The following DYRK2 variants were observed in gnomAD, a reference collection of about 807,000 sequenced individuals.
DYRK2 encodes the protein dual specificity tyrosine phosphorylation regulated kinase 2.
Under a neutral mutation model 41.6 loss-of-function variants are expected in DYRK2, and 12 were observed. The observed-to-expected ratio is 0.29, with a 90% CI of 0.18 to 0.47. The LOEUF is 0.47. Among genes scored for constraint, DYRK2 ranks in the 20% least tolerant of loss-of-function variants. The pLI is 1.00. For missense variants in DYRK2, 678 were observed against 798.4 expected (o/e 0.85, Z 1.82); for synonymous variants, 322 against 315.7 (o/e 1.02, Z -0.21).
At position 67,665,353 on chromosome 12, in the gene DYRK2, T is replaced by C. The variant is rs762159897; in HGVS notation, c.*6640T>C. 1 of 152,198 alleles carries C rather than the reference T, an allele frequency of 6.6e-6. No individual in the cohort carries two copies. Among genetic ancestry groups the C allele is most frequent in the Non-Finnish European group, 1.5e-5 (1 of 68,024 alleles). 9.4% of individuals were successfully genotyped at this position (152,198 alleles called of 1,614,324 possible). A position where few individuals can be genotyped will look rare whatever the true frequency, so the allele number is the denominator to read the frequency against. On this transcript the variant is annotated 3_prime_UTR_variant, in exon 3 of 3. Coordinates refer to ENST00000344096, the MANE Select transcript of DYRK2 (RefSeq NM_006482.3). ...GTTTTCAATTGTTTTGGGAGAAATG[T>C]AACTAATTATAAGCAATTTATGTGG...
At position 67,661,131 on chromosome 12, in the gene DYRK2, T is replaced by C. The variant is rs1244226706; in HGVS notation, c.*2418T>C. ...TTTTCCCTCCAAATACAGTGAAATT[T>C]TTTTATTCACAAGAGCTGCCACATC... On this transcript the variant is annotated 3_prime_UTR_variant, in exon 3 of 3. Transcript: ENST00000344096. The C allele has an allele frequency of 1.2e-5, 2 of 166,874 alleles. No individual in the cohort carries two copies. Among genetic ancestry groups the C allele is most frequent in the Non-Finnish European group, 2.9e-5 (2 of 68,114 alleles). 10.3% of individuals were successfully genotyped at this position (166,874 alleles called of 1,614,324 possible). A position where few individuals can be genotyped will look rare whatever the true frequency, so the allele number is the denominator to read the frequency against.
In DYRK2 at chr12:67,658,626, T is replaced by C. The variant is rs1335142746; in HGVS notation, c.1719T>C (p.Ala573=). ...ISKLPPPSSS[A]SKLRTNLAQM... Reference sequence around the variant, plus strand: ...AGTTACCTCCACCTTCTAGCTCAGCTTCCAAACTGAGGACTAATTTGGCGC... The same window carrying C: ...AGTTACCTCCACCTTCTAGCTCAGCCTCCAAACTGAGGACTAATTTGGCGC... Residue 573 remains alanine, a synonymous_variant, in exon 3 of 3, where the codon GCT becomes GCC. Transcript: ENST00000344096. The surrounding 1 kb of genome is among the most constrained non-coding windows in gnomAD (Gnocchi z 4.3). The C allele has an allele frequency of 3.1e-6, 5 of 1,614,170 alleles. No individual in the cohort carries two copies. The highest frequency in any genetic ancestry group is 4.2e-6 in the Non-Finnish European group (5 of 1,180,014).
rs540723911 is a variant in DYRK2 at position 67,659,325 on chromosome 12, C to A, written c.*612C>A. On this transcript the variant is annotated 3_prime_UTR_variant, in exon 3 of 3. Transcript: ENST00000344096. ...ACTGCCCAGTTAGCATTCTGACATT[C>A]TAAAAGCCGGCAAAGCAGCTTTTAG... The A allele has an allele frequency of 1.2e-5, 2 of 167,200 alleles. No homozygotes were observed. The highest frequency in any genetic ancestry group is 3.8e-4 in the East Asian group (2 of 5,196). 10.4% of individuals were successfully genotyped at this position (167,200 alleles called of 1,614,324 possible).
At position 67,650,005 on chromosome 12, in the gene DYRK2, C is replaced by T. The variant is rs998584416; in HGVS notation, c.198+60C>T. The T allele has an allele frequency of 3.7e-5, 47 of 1,284,448 alleles. No individual in the cohort carries two copies. In the Middle Eastern group the frequency reaches 1.5e-3, roughly 41 times the overall value. The allele number at this position is 1,284,448 out of a possible 1,614,324, so 79.6% of individuals were successfully genotyped here. A position where few individuals can be genotyped will look rare whatever the true frequency, so the allele number is the denominator to read the frequency against. The stretch of plus-strand genomic sequence containing the variant: ...GGGCGGGAGGGGCCCCAGGCCGAAG[C>T]ACCCGGACTTGGAGGGGTCTGACGC... On this transcript the variant is annotated intron_variant, in intron 2 of 2. Coordinates refer to ENST00000344096, the MANE Select transcript of DYRK2 (RefSeq NM_006482.3).
At chr12:67,656,254 G>A (rs1022664347) in intron 2 of DYRK2, among the ~76,000 whole-genome samples, 3 of 152,178 alleles carry the variant, frequency 2.0e-5, no homozygotes, top group African/African-American at 7.2e-5. Flanking sequence ...GAATGTTCAG[G>A]GATGGCATGC....
rs1274959654 is a variant in DYRK2 at position 67,659,360 on chromosome 12, G to A, written c.*647G>A. ...GCAAAGCAGCTTTTAGTGGATAAAT[G>A]GGAATGGAAACGTGTGTGTTCCTCC... On this transcript the variant is annotated 3_prime_UTR_variant, in exon 3 of 3. Coordinates refer to ENST00000344096, the MANE Select transcript of DYRK2 (RefSeq NM_006482.3). 6.0e-6 allele frequency: 1 copy of A among 167,090 alleles called. No homozygotes were observed. Among genetic ancestry groups the A allele is most frequent in the African/African-American group, 2.4e-5 (1 of 41,450 alleles). 10.4% of individuals were successfully genotyped at this position (167,090 alleles called of 1,614,324 possible). A position where few individuals can be genotyped will look rare whatever the true frequency, so the allele number is the denominator to read the frequency against.
Position 67,657,586 on chromosome 12 carries a change from G to A in DYRK2, c.679G>A (p.Val227Ile). ...HVAYRYEVLK[V>I]IGKGSFGQVV... ...GGCTTACAGGTATGAGGTCCTCAAG[G>A]TCATTGGGAAGGGGAGCTTTGGGCA... The change falls in exon 3 of 3, where the codon GTC (valine) becomes ATC (isoleucine). Residue 227 changes from valine to isoleucine, a missense_variant. Physicochemically the swap from Val to Ile is conservative, Grantham distance 29 (BLOSUM62 3). This residue lies in a region of DYRK2 where 393 missense variants were observed against 519.1 expected (regional missense o/e 0.76). Transcript: ENST00000344096. This position sits in a 1 kb window ranked among gnomAD's most constrained non-coding sequence, Gnocchi z 4.8. 2 of 1,614,068 alleles carry A rather than the reference G, an allele frequency of 1.2e-6. No individual in the cohort carries two copies. The highest frequency in any genetic ancestry group is 1.7e-6 in the Non-Finnish European group (2 of 1,180,036).
At position 67,657,248 on chromosome 12, in the gene DYRK2, T is replaced by A. The variant is rs777497932; in HGVS notation, c.341T>A (p.Val114Glu). The change falls in exon 3 of 3, where the codon GTG (valine) becomes GAG (glutamate). Residue 114 changes from valine (V) to glutamate (E), a missense_variant. Val to Glu is a moderately radical substitution (Grantham distance 121). Coordinates refer to ENST00000344096, the MANE Select transcript of DYRK2 (RefSeq NM_006482.3). The surrounding 1 kb of genome is among the most constrained non-coding windows in gnomAD (Gnocchi z 4.8). ...ACACAACCAAATGGGCTTACAACAG[T>A]GGGCAAAACGGGCTTGCCAGTGGTG... is the stretch of plus-strand genomic sequence containing the variant. ...LTTQPNGLTT[V>E]GKTGLPVVPE... The A allele has an allele frequency of 3.7e-6, 6 of 1,614,040 alleles. No individual in the cohort carries two copies. Among genetic ancestry groups the A allele is most frequent in the Non-Finnish European group, 5.1e-6 (6 of 1,180,012 alleles).
In DYRK2 at chr12:67,657,042, T is replaced by A; in HGVS notation, c.199-64T>A. The A allele has an allele frequency of 6.9e-7, 1 of 1,458,838 alleles. No individual in the cohort carries two copies. Among genetic ancestry groups the A allele is most frequent in the South Asian group, 1.5e-5 (1 of 65,036 alleles). 90.4% of individuals were successfully genotyped at this position (1,458,838 alleles called of 1,614,324 possible). ...TGGGGGCGGTGGTGTTGTTGGGGGTTACTTATACACCATTTGAACAGACAC... is the reference window on the plus strand; with the variant it reads ...TGGGGGCGGTGGTGTTGTTGGGGGTAACTTATACACCATTTGAACAGACAC... On this transcript the variant is annotated intron_variant, in intron 2 of 2. Transcript: ENST00000344096. The surrounding 1 kb of genome is among the most constrained non-coding windows in gnomAD (Gnocchi z 4.8).
At chr12:67,649,731 AG>A (rs1013352856) in intron 1 of DYRK2, 65 bp from the exon 2 acceptor site, 93 of 1,292,078 alleles carry the variant, frequency 7.2e-5, no homozygotes, top group Non-Finnish European at 8.0e-5. Flanking sequence ...GCGGGGTTGG[AG>A]GGGGGGTCTG....
intron 2 of DYRK2, among the ~76,000 whole-genome samples, chr12:67,654,992 A>AG (rs757776367): frequency 1.2e-4 from 19 of 152,202 alleles, no homozygotes; most frequent in Non-Finnish European, 2.2e-4. Flanking sequence ...AATCCACCTA[A>AG]GGTTAGGTAG....
chr12:67,660,292 G>A lies in DYRK2; in HGVS notation c.*1579G>A, dbSNP rs1421095690. The A allele has an allele frequency of 6.0e-6, 1 of 166,608 alleles. No individual in the cohort carries two copies. The highest frequency in any genetic ancestry group is 1.5e-5 in the Non-Finnish European group (1 of 68,022). 10.3% of individuals were successfully genotyped at this position (166,608 alleles called of 1,614,324 possible). A position where few individuals can be genotyped will look rare whatever the true frequency, so the allele number is the denominator to read the frequency against. ...AATTGATTTACAAGTACTTAAAAGCGTGGTCCCCAGTGAGGCCAAGAAAGT... is the reference window on the plus strand; with the variant it reads ...AATTGATTTACAAGTACTTAAAAGCATGGTCCCCAGTGAGGCCAAGAAAGT... On this transcript the variant is annotated 3_prime_UTR_variant, in exon 3 of 3. Transcript: ENST00000344096.
chr12:67,649,583 C>T (rs1872246530), intron 1 of DYRK2: 2 of 533,688 alleles, frequency 3.7e-6, no homozygotes, highest in Non-Finnish European at 2.8e-6. Flanking sequence ...CGAACTCGCG[C>T]GCCAGGGCCC....
Position 67,662,996 on chromosome 12 carries a change from C to A in DYRK2, c.*4283C>A, listed in dbSNP as rs1872663567. On this transcript the variant is annotated 3_prime_UTR_variant, in exon 3 of 3. Coordinates refer to ENST00000344096, the MANE Select transcript of DYRK2 (RefSeq NM_006482.3). ...TTATTATGCTAGAGCTTCATATCTT[C>A]TTTTATTTTAACCTTCACAATGATA... 2 of 152,064 alleles carry A rather than the reference C, an allele frequency of 1.3e-5. No individual in the cohort carries two copies. The highest frequency in any genetic ancestry group is 4.1e-4 in the South Asian group (2 of 4,828). 9.4% of individuals were successfully genotyped at this position (152,064 alleles called of 1,614,324 possible).
chr12:67,649,825 G>A lies in DYRK2; in HGVS notation c.78G>A (p.Gln26=), dbSNP rs778439622. Residue 26 remains glutamine, a synonymous_variant, in exon 2 of 3, where the codon CAG becomes CAA. Transcript: ENST00000344096. ...TGRGGDSAVR[Q]LQASPGLGAG... ...GAGGTGGGGACAGCGCCGTTCGTCA[G>A]CTTCAGGCTTCCCCGGGGCTCGGTG... The A allele has an allele frequency of 2.3e-5, 30 of 1,329,622 alleles. No homozygotes were observed. Among genetic ancestry groups the A allele is most frequent in the Non-Finnish European group, 2.8e-5 (29 of 1,033,696 alleles). 82.4% of individuals were successfully genotyped at this position (1,329,622 alleles called of 1,614,324 possible).
Position 67,658,760 on chromosome 12 carries a change from A to G in DYRK2, c.*47A>G, listed in dbSNP as rs777979669. On this transcript the variant is annotated 3_prime_UTR_variant, in exon 3 of 3. Transcript: ENST00000344096. The surrounding 1 kb of genome is among the most constrained non-coding windows in gnomAD (Gnocchi z 4.3). Reference sequence around the variant, plus strand: ...TAACCTGAAAGATACGACATTGCTGAGCCTTACTGGGTTGAAAAGGAGTAG... The same window carrying G: ...TAACCTGAAAGATACGACATTGCTGGGCCTTACTGGGTTGAAAAGGAGTAG... 2 of 1,544,958 alleles carry G rather than the reference A, an allele frequency of 1.3e-6. No homozygotes were observed. The highest frequency in any genetic ancestry group is 2.3e-5 in the East Asian group (1 of 44,284).
chr12:67,649,073 G>A lies in DYRK2; in HGVS notation c.-61G>A, dbSNP rs1401304472. 2 of 1,400,410 alleles carry A rather than the reference G, an allele frequency of 1.4e-6. No homozygotes were observed. Among genetic ancestry groups the A allele is most frequent in the Non-Finnish European group, 9.5e-7 (1 of 1,057,222 alleles). 86.7% of individuals were successfully genotyped at this position (1,400,410 alleles called of 1,614,324 possible). ...GAGGCGGCGGCGGCGGCCGCCAGAAGTAGCAGCAGGACCGGCGGCGGCGAC... is the reference window on the plus strand; with the variant it reads ...GAGGCGGCGGCGGCGGCCGCCAGAAATAGCAGCAGGACCGGCGGCGGCGAC... On this transcript the variant is annotated 5_prime_UTR_variant, in exon 1 of 3. Coordinates refer to ENST00000344096, the MANE Select transcript of DYRK2 (RefSeq NM_006482.3).
Position 67,658,850 on chromosome 12 carries a change from A to G in DYRK2, c.*137A>G. ...TGTATCTTTTCAGCACTTAATTTTAATGTAAGAAAGTTGTTCATTTTGTTT... is the reference window on the plus strand; with the variant it reads ...TGTATCTTTTCAGCACTTAATTTTAGTGTAAGAAAGTTGTTCATTTTGTTT... On this transcript the variant is annotated 3_prime_UTR_variant, in exon 3 of 3. Transcript: ENST00000344096. The surrounding 1 kb of genome is among the most constrained non-coding windows in gnomAD (Gnocchi z 4.3). The G allele has an allele frequency of 1.0e-6, 1 of 996,124 alleles. No individual in the cohort carries two copies. The highest frequency in any genetic ancestry group is 2.3e-5 in the South Asian group (1 of 42,836). 61.7% of individuals were successfully genotyped at this position (996,124 alleles called of 1,614,324 possible).
chr12:67,659,857 A>T lies in DYRK2; in HGVS notation c.*1144A>T, dbSNP rs1856304840. 3 of 167,108 alleles carry T rather than the reference A, an allele frequency of 1.8e-5. No individual in the cohort carries two copies. The highest frequency in any genetic ancestry group is 7.2e-5 in the African/African-American group (3 of 41,466). The allele number at this position is 167,108 out of a possible 1,614,324, so 10.4% of individuals were successfully genotyped here. On this transcript the variant is annotated 3_prime_UTR_variant, in exon 3 of 3. Transcript: ENST00000344096. ...TGGCTGTTCAGTAAGGCCAATGTTA[A>T]CAACACGTTTAGAGGAGGAAAAGTT...
Sources: gnomAD v4.1 joint callset for allele counts (sites outside exome capture counted in the v4.1 genomes callset) on GRCh38, gnomAD v4.1.1 for gene constraint, gnomAD v4.1.1 regional missense constraint, Gnocchi (gnomAD v3.1) non-coding constraint, MANE v1.5 for transcripts, NCBI Gene and HGNC (gene_info 2026-07-23, HGNC 2026-07-21) for gene names.